PRKD1: variants seen among roughly 807,000 people sequenced by gnomAD.
PRKD1 encodes protein kinase D1.
A neutral mutation model predicts 95.9 loss-of-function variants in PRKD1; 63 were observed. That is an observed-to-expected ratio of 0.66 (90% CI 0.54 to 0.81). The LOEUF (loss-of-function observed/expected upper bound fraction) is 0.81. Ranked by LOEUF, PRKD1 falls within the 30% of genes least tolerant of loss-of-function variation. The pLI is 0.00. For synonymous variants in PRKD1, 425 were observed against 423.1 expected (o/e 1.00, Z -0.05); for missense variants, 1,048 against 1,165.3 (o/e 0.90, Z 1.47).
At chr14:29,719,377 T>C (rs146317429) in intron 2 of PRKD1, among the ~76,000 whole-genome samples, 6 of 152,330 alleles carry the variant, frequency 3.9e-5, no homozygotes, top group African/African-American at 1.2e-4. Context: ...TAATGGTCTA[T>C]GACAAACATC....
At position 29,621,509 on chromosome 14, in the gene PRKD1, C is replaced by T. The variant is rs141129303; in HGVS notation, c.1905+2643G>A. On this transcript the variant is annotated intron_variant, in intron 13 of 17. Transcript: ENST00000331968. The stretch of plus-strand genomic sequence containing the variant: ...TGATTAGTTTCCTATTCTTGATGAA[C>T]ATATTTTAAAATAATTGGCAGTTTT... Among the ~76,000 whole-genome samples, 800 of 151,460 alleles carry T rather than the reference C, an allele frequency of 5.3e-3. 2 individuals are homozygous for T. The highest frequency in any genetic ancestry group is 0.01 in the African/African-American group (423 of 41,252).
intron 1 of PRKD1, among the ~76,000 whole-genome samples, chr14:29,877,984 A>T (rs181598478): frequency 2.5e-4 from 38 of 152,324 alleles, no homozygotes; most frequent in Admixed American, 2.2e-3. Flanking sequence ...GAAGAATGAG[A>T]TCCTGTCTTC....
chr14:29,849,396 ATTTC>A (rs1892210172), intron 1 of PRKD1, among the ~76,000 whole-genome samples: 4 of 152,318 alleles, frequency 2.6e-5, no homozygotes, highest in African/African-American at 9.6e-5. Context: ...AGTCTAAAGT[ATTTC>A]TTTATAGCAG....
intron 1 of PRKD1, among the ~76,000 whole-genome samples, chr14:29,781,365 T>A (rs1371313565): frequency 6.6e-6 from 1 of 152,144 alleles, no homozygotes; most frequent in Non-Finnish European, 1.5e-5. Context: ...CGTCTCAAAT[T>A]ATAAGACAGA....
At chr14:29,598,157 T>A (rs1190615933) in intron 15 of PRKD1, among the ~76,000 whole-genome samples, 4 of 151,850 alleles carry the variant, frequency 2.6e-5, no homozygotes, top group Non-Finnish European at 5.9e-5. Flanking sequence ...GCAGCTATAG[T>A]CCCAGCTATT....
Position 29,592,334 on chromosome 14 carries a change from T to C in PRKD1, c.2434+5157A>G, listed in dbSNP as rs532133975. 3.3e-5 allele frequency among the ~76,000 whole-genome samples: 5 copies of C among 152,322 alleles called. No homozygotes were observed. In the South Asian group the frequency reaches 1.0e-3, roughly 32 times the overall value. On this transcript the variant is annotated intron_variant, in intron 16 of 17. Transcript: ENST00000331968. Reference sequence around the variant, plus strand: ...CTCCTTTTGTGCAACTGTTTGTAAATATATAATTCATGCTGGAATGTTTCA... The same window carrying C: ...CTCCTTTTGTGCAACTGTTTGTAAACATATAATTCATGCTGGAATGTTTCA...
At chr14:29,792,515 A>C (rs1372510688) in intron 1 of PRKD1, among the ~76,000 whole-genome samples, 2 of 152,128 alleles carry the variant, frequency 1.3e-5, no homozygotes, top group African/African-American at 4.8e-5. Context: ...TCACTATTTA[A>C]AGTTTCGAAG....
chr14:29,641,172 C>A (rs2139144887), intron 4 of PRKD1, among the ~76,000 whole-genome samples: 1 of 152,288 alleles, frequency 6.6e-6, no homozygotes, highest in African/African-American at 2.4e-5. Flanking sequence ...ATGAGATTTA[C>A]ACAGCCAGCC....
At chr14:29,887,461 T>G (rs1021596538) in intron 1 of PRKD1, among the ~76,000 whole-genome samples, 2 of 152,180 alleles carry the variant, frequency 1.3e-5, no homozygotes, top group Non-Finnish European at 2.9e-5. Flanking sequence ...ACCTGTAATG[T>G]GACAAGCAAG....
At chr14:29,644,512 T>C (rs1028220153) in intron 4 of PRKD1, among the ~76,000 whole-genome samples, 1 of 152,084 alleles carries the variant, frequency 6.6e-6, no homozygotes, top group African/African-American at 2.4e-5. Context: ...CCATTGTTGA[T>C]GGATCTTTTA....
chr14:29,611,203 G>A (rs1004587014), intron 13 of PRKD1, among the ~76,000 whole-genome samples: 57 of 152,286 alleles, frequency 3.7e-4, no homozygotes, highest in African/African-American at 1.3e-3. Context: ...GTACCACTGT[G>A]GTGGGGGATA....
intron 1 of PRKD1, among the ~76,000 whole-genome samples, chr14:29,841,794 T>C (rs569531840): frequency 1.3e-5 from 2 of 152,120 alleles, no homozygotes; most frequent in African/African-American, 2.4e-5. Flanking sequence ...GTGACTGTTT[T>C]TACTTTTTAA....
chr14:29,738,811 G>C (rs1289379005), intron 1 of PRKD1, among the ~76,000 whole-genome samples: 4 of 144,488 alleles, frequency 2.8e-5, no homozygotes, highest in African/African-American at 1.0e-4. Context: ...CTTTCTCTCT[G>C]TCTCTCTCTC....
At chr14:29,624,647 G>C (rs1036355664) in intron 12 of PRKD1, among the ~76,000 whole-genome samples, 1 of 152,034 alleles carries the variant, frequency 6.6e-6, no homozygotes, top group Admixed American at 6.6e-5. Context: ...GTATGTTATA[G>C]GGGAAAGAAT....
chr14:29,582,697 T>A (rs1465376041), intron 16 of PRKD1, among the ~76,000 whole-genome samples: 1 of 152,108 alleles, frequency 6.6e-6, no homozygotes, highest in Non-Finnish European at 1.5e-5. Context: ...GCCAGTCTAG[T>A]AAAGCTGGGG....
intron 4 of PRKD1, among the ~76,000 whole-genome samples, chr14:29,645,162 T>C (rs539720743): frequency 2.0e-5 from 3 of 152,178 alleles, no homozygotes; most frequent in Non-Finnish European, 4.4e-5. Context: ...TCCTCTCAGT[T>C]AGTCAATAAG....
rs189430112 is a variant in PRKD1, at chr14:29,913,955, A to G, written c.264+13294T>C. On this transcript the variant is annotated intron_variant, in intron 1 of 17. Coordinates refer to ENST00000331968, the MANE Select transcript of PRKD1 (RefSeq NM_002742.3). Reference sequence around the variant, plus strand: ...GTAACTCGTGAAAAGAGAAGTCTCTATGTAAGTTGTCCATTGTACTAAAGT... The same window carrying G: ...GTAACTCGTGAAAAGAGAAGTCTCTGTGTAAGTTGTCCATTGTACTAAAGT... Among the ~76,000 whole-genome samples, 444 of 152,348 alleles carry G rather than the reference A, an allele frequency of 2.9e-3. 4 individuals carry two copies. Among genetic ancestry groups the G allele is most frequent in the Non-Finnish European group, 4.7e-3 (321 of 68,026 alleles).
chr14:29,666,309 C>G, intron 2 of PRKD1, 101 bp from the exon 3 acceptor site: 1 of 1,263,560 alleles, frequency 7.9e-7, no homozygotes, highest in Non-Finnish European at 1.1e-6. Context: ...ATATAACTCC[C>G]TAGGCAAAGT....
chr14:29,642,914 T>TC (rs1184264060), intron 4 of PRKD1, among the ~76,000 whole-genome samples: 2 of 147,534 alleles, frequency 1.4e-5, no homozygotes, highest in African/African-American at 2.5e-5. Context: ...GCAGAATGAT[T>TC]TTTTTTTTTT....
Sources: allele counts gnomAD v4.1 joint callset (sites outside exome capture counted in the v4.1 genomes callset), GRCh38; gene constraint gnomAD v4.1.1; transcripts MANE v1.5; gene names NCBI Gene and HGNC (gene_info 2026-07-23, HGNC 2026-07-21).